The following SLC26A9 variants were observed in gnomAD, a reference collection of about 807,000 sequenced individuals.
SLC26A9 encodes the protein solute carrier family 26 member 9, also known as anion transporter/exchanger protein 9.
Under a neutral mutation model 87.1 loss-of-function variants are expected in SLC26A9, and 46 were observed. That is an observed-to-expected ratio of 0.53 (90% CI 0.42 to 0.67). The LOEUF is 0.67. Ranked by LOEUF, SLC26A9 falls within the 30% of genes least tolerant of loss-of-function variation. The probability of loss-of-function intolerance (pLI) is 0.00; values close to 1 mark genes in which losing one functional copy is unlikely to be tolerated. For missense variants in SLC26A9, 927 were observed against 1,018.3 expected (o/e 0.91, Z 1.22); for synonymous variants, 437 against 409.1 (o/e 1.07, Z -0.82).
chr1:205,933,128 T>C (rs1371430208), intron 2 of SLC26A9, 44 bp from the exon 3 acceptor site: 2 of 1,612,854 alleles, frequency 1.2e-6, no homozygotes, highest in East Asian at 4.5e-5. Context: ...CTGCATGGCT[T>C]GGACATTCCG....
At chr1:205,931,085 G>A (rs1571749209) in intron 5 of SLC26A9, among the ~76,000 whole-genome samples, 1 of 152,228 alleles carries the variant, frequency 6.6e-6, no homozygotes, top group East Asian at 1.9e-4. Context: ...CTCTGGGACT[G>A]CGTTTTGCTC....
intron 19 of SLC26A9, among the ~76,000 whole-genome samples, chr1:205,917,822 T>C (rs375998948): frequency 6.6e-6 from 1 of 152,146 alleles, no homozygotes; most frequent in East Asian, 1.9e-4. Flanking sequence ...ATAAATTATT[T>C]ATAAGTCTAT....
At chr1:205,926,397 G>C (rs564949864) in intron 12 of SLC26A9, 138 bp downstream of exon 12, 23 of 723,588 alleles carry the variant, frequency 3.2e-5, no homozygotes, top group Middle Eastern at 3.8e-4. Context: ...TCGAAACTCG[G>C]ACTTTTAACC....
chr1:205,933,715 T>A (rs1659400645), intron 2 of SLC26A9, among the ~76,000 whole-genome samples: 1 of 152,240 alleles, frequency 6.6e-6, no homozygotes, highest in Non-Finnish European at 1.5e-5. Context: ...CTATTGTTCC[T>A]GCAGGGTGCA....
At position 205,914,808 on chromosome 1, in the gene SLC26A9, C is replaced by T. The variant is rs1300188610; in HGVS notation, c.*549G>A. The T allele has an allele frequency of 6.6e-7, 1 of 1,515,408 alleles. No individual in the cohort carries two copies. The highest frequency in any genetic ancestry group is 1.4e-5 in the African/African-American group (1 of 72,268). The allele number at this position is 1,515,408 out of a possible 1,614,324, so 93.9% of individuals were successfully genotyped here. The stretch of plus-strand genomic sequence containing the variant: ...GGCCTAGACTCCTGGGTGTGGAGAG[C>T]ACATGGTCCCTGGGTGCAGAGCTGC... On this transcript the variant is annotated 3_prime_UTR_variant, in exon 21 of 21. Coordinates refer to ENST00000367135, the MANE Select transcript of SLC26A9 (RefSeq NM_052934.4).
At chr1:205,938,642 C>T (rs913563396) in intron 1 of SLC26A9, among the ~76,000 whole-genome samples, 1 of 152,180 alleles carries the variant, frequency 6.6e-6, no homozygotes, top group African/African-American at 2.4e-5. Context: ...ACCTGAGGTG[C>T]CCTGACTCAT....
chr1:205,927,615 G>A lies in SLC26A9; in HGVS notation c.1102-10C>T, dbSNP rs539352855. On this transcript the variant is annotated splice_polypyrimidine_tract_variant and intron_variant, in intron 9 of 20. Coordinates refer to ENST00000367135, the MANE Select transcript of SLC26A9 (RefSeq NM_052934.4). ...CGAGAGCGATCATCTCCTGCAGGGA[G>A]GGGACAGGATTAGAAGCCAGTGTGG... 3.1e-6 allele frequency: 5 copies of A among 1,611,256 alleles called. No homozygotes were observed. The highest frequency in any genetic ancestry group is 1.7e-5 in the Admixed American group (1 of 59,792).
At position 205,926,586 on chromosome 1, in the gene SLC26A9, G is replaced by A; in HGVS notation, c.1338C>T (p.Leu446=). 6.2e-7 allele frequency: 1 copy of A among 1,614,160 alleles called. No individual in the cohort carries two copies. The highest frequency in any genetic ancestry group is 1.3e-5 in the African/African-American group (1 of 75,024). The change falls in exon 12 of 21, where the codon CTC becomes CTT. Residue 446 remains leucine (L), a synonymous_variant. Coordinates refer to ENST00000367135, the MANE Select transcript of SLC26A9 (RefSeq NM_052934.4). The part of the protein sequence containing the change: ...ALIAVNLKNS[L]KQLTDPYYLW... The stretch of plus-strand genomic sequence containing the variant: ...GGTAGTAGGGGTCGGTGAGTTGCTT[G>A]AGGGAGTTCTTGAGATTGACAGCGA...
intron 13 of SLC26A9, 92 bp downstream of exon 13, chr1:205,924,291 A>G (rs1156849493): frequency 1.6e-6 from 2 of 1,213,654 alleles, no homozygotes; most frequent in African/African-American, 3.0e-5. Context: ...TGGAAGGTAC[A>G]GTGGACTAAG....
intron 12 of SLC26A9, among the ~76,000 whole-genome samples, chr1:205,925,848 C>T (rs1042023277): frequency 2.0e-5 from 3 of 152,200 alleles, no homozygotes; most frequent in Non-Finnish European, 2.9e-5. Context: ...AAGGCAGTGT[C>T]GTCAAAACAC....
In SLC26A9 at chr1:205,919,005, C is replaced by T. The variant is rs1337783956; in HGVS notation, c.2111-20G>A. On this transcript the variant is annotated intron_variant, in intron 18 of 20. Transcript: ENST00000367135. ...CCTGGGCTAGAAGGAGAAAAGATCA[C>T]CTTCAGAAAGATAACAGCCATTGTG... 1 of 1,612,582 alleles carries T rather than the reference C, an allele frequency of 6.2e-7. No homozygotes were observed. The highest frequency in any genetic ancestry group is 2.2e-5 in the East Asian group (1 of 44,850).
intron 12 of SLC26A9, among the ~76,000 whole-genome samples, chr1:205,925,251 C>T (rs748718258): frequency 6.6e-6 from 1 of 152,212 alleles, no homozygotes; most frequent in Non-Finnish European, 1.5e-5. Context: ...TGTCTCACAG[C>T]GAGCTGCGTG....
intron 2 of SLC26A9, among the ~76,000 whole-genome samples, chr1:205,933,781 CCTGTTAATTCA>C (rs920262800): frequency 6.6e-6 from 1 of 152,156 alleles, no homozygotes; most frequent in Non-Finnish European, 1.5e-5. Context: ...AGTTCTTTCT[CCTGTTAATTCA>C]CTGGGCAGCA....
Position 205,927,916 on chromosome 1 carries a change from C to A in SLC26A9, c.1087G>T (p.Val363Leu). 6.2e-7 allele frequency: 1 copy of A among 1,614,070 alleles called. No homozygotes were observed. Among genetic ancestry groups the A allele is most frequent in the Non-Finnish European group, 8.5e-7 (1 of 1,179,936 alleles). Residue 363 changes from valine (V) to leucine (L), a missense_variant, in exon 9 of 21, where the codon GTG (valine) becomes TTG (leucine). Transcript: ENST00000367135. ...RTLANKHGYD[V>L]DSNQEMIALG... ...GCCAGAGCTACCTGGTTCGAATCCACGTCGTAGCCGTGCTTGTTGGCCAGG... is the reference window on the plus strand; with the variant it reads ...GCCAGAGCTACCTGGTTCGAATCCAAGTCGTAGCCGTGCTTGTTGGCCAGG...
At chr1:205,943,014 C>CTTTG (rs1450437958) in intron 1 of SLC26A9, among the ~76,000 whole-genome samples, 1 of 152,246 alleles carries the variant, frequency 6.6e-6, no homozygotes. Flanking sequence ...GAGCAGCCCA[C>CTTTG]AGCTTCAAAG....
At chr1:205,924,591 A>C in intron 12 of SLC26A9, 102 bp from the exon 13 acceptor site, 3 of 905,848 alleles carry the variant, frequency 3.3e-6, no homozygotes, top group Non-Finnish European at 5.0e-6. Flanking sequence ...GTACAACCTC[A>C]GAGCCTCTCT....
In SLC26A9 at chr1:205,915,219, G is replaced by C. The variant is rs369057392; in HGVS notation, c.*138C>G. The stretch of plus-strand genomic sequence containing the variant: ...GGGGAGGGAAGGAAGGGAGGAGAGA[G>C]GGGGAGAGGAGAGAGGAACCCAAGC... On this transcript the variant is annotated 3_prime_UTR_variant, in exon 21 of 21. Coordinates refer to ENST00000367135, the MANE Select transcript of SLC26A9 (RefSeq NM_052934.4). The C allele has an allele frequency of 3.7e-6, 6 of 1,606,116 alleles. No individual in the cohort carries two copies. Among genetic ancestry groups the C allele is most frequent in the Non-Finnish European group, 5.1e-6 (6 of 1,175,274 alleles).
chr1:205,941,318 G>A lies in SLC26A9; in HGVS notation c.-19+2047C>T, dbSNP rs747406802. 3.3e-5 allele frequency among the ~76,000 whole-genome samples: 5 copies of A among 152,040 alleles called. No homozygotes were observed. The South Asian group carries it at 6.2e-4, about 19-fold the overall frequency. On this transcript the variant is annotated intron_variant, in intron 1 of 20. Coordinates refer to ENST00000367135, the MANE Select transcript of SLC26A9 (RefSeq NM_052934.4). Reference sequence around the variant, plus strand: ...CTAGGAGCTGGGATTACTGGTGCGCGCCATGACACCCAGCTAATATTTTTT... The same window carrying A: ...CTAGGAGCTGGGATTACTGGTGCGCACCATGACACCCAGCTAATATTTTTT...
chr1:205,923,058 G>A, intron 16 of SLC26A9, 24 bp downstream of exon 16: 1 of 1,607,892 alleles, frequency 6.2e-7, no homozygotes. Context: ...GCAGGGCACG[G>A]GGCTGCTTCT....
Sources: allele counts gnomAD v4.1 joint callset (sites outside exome capture counted in the v4.1 genomes callset), GRCh38; gene constraint gnomAD v4.1.1; transcripts MANE v1.5; gene names NCBI Gene and HGNC (gene_info 2026-07-23, HGNC 2026-07-21).